Variants in ASTN2 observed in about 807,000 individuals in gnomAD.
ASTN2 encodes astrotactin-2.
In ASTN2, 54 loss-of-function variants were observed where a neutral mutation model predicts 139.8. The observed-to-expected ratio is 0.39, with a 90% confidence interval of 0.31 to 0.48. ASTN2 has a LOEUF of 0.48. Ranked by LOEUF, ASTN2 falls within the 20% of genes least tolerant of loss-of-function variation. The pLI is 0.95. For missense variants in ASTN2, 1,565 were observed against 1,725.1 expected (o/e 0.91, Z 1.64); for synonymous variants, 756 against 719.5 (o/e 1.05, Z -0.81).
chr9:116,820,310 T>C (rs769265917), intron 12 of ASTN2, among the ~76,000 whole-genome samples: 3 of 152,186 alleles, frequency 2.0e-5, no homozygotes, highest in Non-Finnish European at 4.4e-5. Context: ...CCCATACAGG[T>C]AGATTCAGAA....
At chr9:116,867,961 C>T (rs1833060821) in intron 10 of ASTN2, among the ~76,000 whole-genome samples, 1 of 152,150 alleles carries the variant, frequency 6.6e-6, no homozygotes, top group Admixed American at 6.5e-5. Context: ...ACTTGCGGAG[C>T]CCAGGGTTTA....
chr9:117,128,240 G>A (rs1013479420), intron 4 of ASTN2, among the ~76,000 whole-genome samples: 7 of 151,926 alleles, frequency 4.6e-5, no homozygotes, highest in Non-Finnish European at 1.0e-4. Flanking sequence ...TGGGCATGCT[G>A]GTGTGTGCCT....
At chr9:116,980,205 T>C (rs138200224) in intron 7 of ASTN2, among the ~76,000 whole-genome samples, 8 of 152,114 alleles carry the variant, frequency 5.3e-5, no homozygotes, top group South Asian at 2.1e-4. Context: ...AGAATAGGGA[T>C]GATAGCAATG....
chr9:116,983,466 G>C (rs1165671757), intron 7 of ASTN2, among the ~76,000 whole-genome samples: 1 of 152,192 alleles, frequency 6.6e-6, no homozygotes, highest in Non-Finnish European at 1.5e-5. Flanking sequence ...CTAGGTCATA[G>C]GGCCAGGTCT....
Position 117,214,511 on chromosome 9 carries a change from G to A in ASTN2, c.862C>T (p.Pro288Ser), listed in dbSNP as rs144931716. ...TCACAGTCATAGTCATCCAGGATGG[G>A]AGTCTCCCGGATGGGCACGCCAATG... ...SVIGVPIRETPILDDYDCEED... is the reference protein window; with the variant it reads ...SVIGVPIRETSILDDYDCEED... The change falls in exon 3 of 23, where the codon CCC becomes TCC. Residue 288 changes from proline (P) to serine (S), a missense_variant. By Grantham distance (74) the Pro-to-Ser change is moderately conservative. This residue lies in a region of ASTN2 where 596 missense variants were observed against 576.8 expected (regional missense o/e 1.03). Transcript: ENST00000313400. 6.2e-7 allele frequency: 1 copy of A among 1,614,136 alleles called. No individual in the cohort carries two copies. Among genetic ancestry groups the A allele is most frequent in the South Asian group, 1.1e-5 (1 of 91,082 alleles).
intron 2 of ASTN2, among the ~76,000 whole-genome samples, chr9:117,286,532 CCT>C (rs1417677082): frequency 2.0e-5 from 3 of 152,110 alleles, no homozygotes; most frequent in Non-Finnish European, 4.4e-5. Context: ...ACTAAAAGAA[CCT>C]CTTTCTTTAT....
intron 1 of ASTN2, among the ~76,000 whole-genome samples, chr9:117,385,516 T>C (rs1475839283): frequency 6.6e-6 from 1 of 151,824 alleles, no homozygotes; most frequent in African/African-American, 2.4e-5. Context: ...CCTTGAAAGA[T>C]GGGAATGAAA....
chr9:117,213,598 AAG>A (rs1832213728), intron 3 of ASTN2, among the ~76,000 whole-genome samples: 1 of 152,198 alleles, frequency 6.6e-6, no homozygotes, highest in Admixed American at 6.5e-5. Flanking sequence ...AAAAACATAA[AAG>A]AAGTCTAATA....
intron 19 of ASTN2, among the ~76,000 whole-genome samples, chr9:116,614,500 G>A (rs1855733306): frequency 1.3e-5 from 2 of 152,062 alleles, no homozygotes; most frequent in African/African-American, 4.8e-5. Flanking sequence ...AACCAAAACG[G>A]CATGGTACTG....
intron 10 of ASTN2, among the ~76,000 whole-genome samples, chr9:116,891,933 AT>A: frequency 6.6e-6 from 1 of 152,216 alleles, no homozygotes; most frequent in East Asian, 1.9e-4. Context: ...TATATAAGCT[AT>A]TACCTACTAT....
chr9:117,364,311 T>A (rs1168822611), intron 1 of ASTN2, among the ~76,000 whole-genome samples: 1 of 152,138 alleles, frequency 6.6e-6, no homozygotes, highest in African/African-American at 2.4e-5. Flanking sequence ...AAAGACCAAC[T>A]CTTAGAACTC....
At chr9:116,640,702 G>A (rs1857284455) in intron 17 of ASTN2, among the ~76,000 whole-genome samples, 1 of 152,192 alleles carries the variant, frequency 6.6e-6, no homozygotes, top group Admixed American at 6.5e-5. Flanking sequence ...ACCATGGCAA[G>A]GACTTTGGTT....
chr9:116,623,930 G>A (rs1303679878), intron 17 of ASTN2, among the ~76,000 whole-genome samples: 1 of 152,102 alleles, frequency 6.6e-6, no homozygotes, highest in African/African-American at 2.4e-5. Context: ...GCATGCGTAT[G>A]TGTCTCTGTG....
intron 16 of ASTN2, among the ~76,000 whole-genome samples, chr9:116,678,769 G>A (rs1013579749): frequency 6.6e-6 from 1 of 152,236 alleles, no homozygotes; most frequent in Admixed American, 6.5e-5. Flanking sequence ...CCATGTGTCT[G>A]AATAACCAGG....
intron 7 of ASTN2, among the ~76,000 whole-genome samples, chr9:116,980,949 C>A (rs996929941): frequency 3.3e-5 from 5 of 152,072 alleles, no homozygotes; most frequent in African/African-American, 4.8e-5. Flanking sequence ...TGCATGTAAC[C>A]ATGCTGACTG....
At chr9:116,976,448 T>C (rs1162351922) in intron 8 of ASTN2, among the ~76,000 whole-genome samples, 1 of 152,258 alleles carries the variant, frequency 6.6e-6, no homozygotes, top group African/African-American at 2.4e-5. Context: ...AAGTGTTCAT[T>C]GATTACTTTG....
intron 1 of ASTN2, among the ~76,000 whole-genome samples, chr9:117,388,741 C>T (rs1416946): frequency 0.084 from 12,780 of 152,142 alleles, 656 homozygotes; most frequent in East Asian, 0.18. Context: ...TTTGCAACCT[C>T]ATGTTAGCTG....
chr9:116,574,549 C>T (rs1400559478), intron 19 of ASTN2, among the ~76,000 whole-genome samples: 3 of 152,204 alleles, frequency 2.0e-5, no homozygotes, highest in Non-Finnish European at 4.4e-5. Flanking sequence ...ATAAACAGCT[C>T]ACTGATCCCA....
At chr9:116,748,816 A>G (rs1829321975) in intron 13 of ASTN2, among the ~76,000 whole-genome samples, 1 of 152,060 alleles carries the variant, frequency 6.6e-6, no homozygotes, top group Admixed American at 6.5e-5. Context: ...TTGCTGTGTG[A>G]TCTTGAGCAA....
Sources: gnomAD v4.1 joint callset for allele counts (sites outside exome capture counted in the v4.1 genomes callset) on GRCh38, gnomAD v4.1.1 for gene constraint, gnomAD v4.1.1 regional missense constraint, MANE v1.5 for transcripts, NCBI Gene and HGNC (gene_info 2026-07-23, HGNC 2026-07-21) for gene names.